Variants in SLC39A14 observed in about 807,000 individuals in gnomAD.
SLC39A14 encodes the protein metal cation symporter ZIP14.
In SLC39A14, 19 loss-of-function variants were observed where a neutral mutation model predicts 45.5. The ratio of observed to expected loss-of-function variants is 0.42; its 90% CI spans 0.29 to 0.61. SLC39A14 has a LOEUF of 0.61. Among genes scored for constraint, SLC39A14 ranks in the 20% least tolerant of loss-of-function variants. The pLI is 0.22. For synonymous variants in SLC39A14, 264 were observed against 251.3 expected, an observed-to-expected ratio of 1.05 and a Z score of -0.48; for missense variants, 447 against 616.5, an observed-to-expected ratio of 0.73 and a Z score of 2.91.
chr8:22,400,999 A>C (rs758908449), intron 1 of SLC39A14, among the ~76,000 whole-genome samples: 1 of 152,242 alleles, frequency 6.6e-6, no homozygotes, highest in East Asian at 1.9e-4. Flanking sequence ...TAGATCCTCA[A>C]AGTAATCTAA....
intron 1 of SLC39A14, among the ~76,000 whole-genome samples, chr8:22,370,712 G>A (rs1832876814): frequency 6.6e-6 from 1 of 152,142 alleles, no homozygotes. Flanking sequence ...ATTTGTCCCT[G>A]TGCTTATTGA....
rs1031979889 is a variant in SLC39A14 at position 22,422,004 on chromosome 8, C to T, written c.*2306C>T. 1.1e-5 allele frequency: 11 copies of T among 985,452 alleles called. No homozygotes were observed. The highest frequency in any genetic ancestry group is 1.2e-5 in the Non-Finnish European group (10 of 829,932). The allele number at this position is 985,452 out of a possible 1,614,324, so 61.0% of individuals were successfully genotyped here. ...TTAGGAGGGGCGGAGACGCTCACATCGTCTGACTTGAGTCGCCACTGATTG... is the reference window on the plus strand; with the variant it reads ...TTAGGAGGGGCGGAGACGCTCACATTGTCTGACTTGAGTCGCCACTGATTG... On this transcript the variant is annotated 3_prime_UTR_variant, in exon 9 of 9. Coordinates refer to ENST00000381237, the MANE Select transcript of SLC39A14 (RefSeq NM_001128431.4).
rs35335672 is a variant in SLC39A14, at chr8:22,414,848, T to C, written c.696T>C (p.Tyr232=). 1.6e-3 allele frequency: 2,618 copies of C among 1,613,576 alleles called. 14 individuals are homozygous for C. In the African/African-American group the frequency reaches 0.022, roughly 13 times the overall value. ...CTGCAGTGGTGTTTGGGGGCTTTTATCTTTTCTTTTTCACAGAGAAGATCT... is the reference window on the plus strand; with the variant it reads ...CTGCAGTGGTGTTTGGGGGCTTTTACCTTTTCTTTTTCACAGAGAAGATCT... ...SKSAVVFGGF[Y]LFFFTEKILK... Residue 232 remains tyrosine (Y), a synonymous_variant, in exon 5 of 9, where the codon TAT becomes TAC. Transcript: ENST00000381237.
intron 1 of SLC39A14, among the ~76,000 whole-genome samples, chr8:22,380,163 T>C (rs1833430316): frequency 6.6e-6 from 1 of 152,184 alleles, no homozygotes; most frequent in Non-Finnish European, 1.5e-5. Context: ...TTTGGTATCC[T>C]GGAGGCGGAG....
At chr8:22,378,913 T>TGA (rs1833351435) in intron 1 of SLC39A14, among the ~76,000 whole-genome samples, 1 of 152,244 alleles carries the variant, frequency 6.6e-6, no homozygotes, top group South Asian at 2.1e-4. Context: ...ATGGTTCCCC[T>TGA]GACAAGATAC....
intron 1 of SLC39A14, among the ~76,000 whole-genome samples, chr8:22,397,497 G>C (rs900315457): frequency 3.3e-5 from 5 of 152,092 alleles, no homozygotes; most frequent in Non-Finnish European, 5.9e-5. Flanking sequence ...AGAATGGCGT[G>C]AACCCGGGAG....
chr8:22,423,353 T>G (rs76397697), downstream of SLC39A14, among the ~76,000 whole-genome samples: 2 of 142,414 alleles, frequency 1.4e-5, no homozygotes, highest in African/African-American at 5.0e-5. Flanking sequence ...TTTTTTTTTT[T>G]GAGACGGAAT....
chr8:22,384,563 C>A (rs1833682627), intron 1 of SLC39A14, among the ~76,000 whole-genome samples: 1 of 151,634 alleles, frequency 6.6e-6, no homozygotes, highest in Non-Finnish European at 1.5e-5. Context: ...GCCTGGCCAA[C>A]ATGGCTAAAC....
intron 1 of SLC39A14, among the ~76,000 whole-genome samples, chr8:22,402,586 A>G (rs1834939284): frequency 6.6e-6 from 1 of 151,844 alleles, no homozygotes; most frequent in East Asian, 1.9e-4. Flanking sequence ...CCTGACCAAC[A>G]TGGTAAAACC....
chr8:22,419,595 G>A lies in SLC39A14; in HGVS notation c.1376G>A (p.Gly459Asp), dbSNP rs1380582659. The change falls in exon 9 of 9, where the codon GGC becomes GAC. Residue 459 changes from glycine (G) to aspartate (D), a missense_variant. Gly to Asp is a moderately conservative substitution (Grantham distance 94). This residue lies in a region of SLC39A14 where 105 missense variants were observed against 188.4 expected (regional missense o/e 0.56). Coordinates refer to ENST00000381237, the MANE Select transcript of SLC39A14 (RefSeq NM_001128431.4). ...NEVCQEDERK[G>D]SILIPFIIQN... ...GTCTGTCAAGAGGATGAAAGGAAGGGCAGCATCTTGATTCCATTTATCATC... is the reference window on the plus strand; with the variant it reads ...GTCTGTCAAGAGGATGAAAGGAAGGACAGCATCTTGATTCCATTTATCATC... The A allele has an allele frequency of 1.2e-6, 2 of 1,614,146 alleles. No individual in the cohort carries two copies. The highest frequency in any genetic ancestry group is 1.7e-5 in the Admixed American group (1 of 60,026).
chr8:22,385,437 C>T (rs565751978), intron 1 of SLC39A14, among the ~76,000 whole-genome samples: 4 of 152,254 alleles, frequency 2.6e-5, no homozygotes, highest in African/African-American at 9.6e-5. Context: ...TTCTCAATGC[C>T]TGGGAGTGGG....
chr8:22,384,033 G>A (rs552354706), intron 1 of SLC39A14, among the ~76,000 whole-genome samples: 23 of 152,112 alleles, frequency 1.5e-4, no homozygotes, highest in African/African-American at 2.4e-4. Flanking sequence ...CTCCTCGGCC[G>A]CCCCCTAACA....
intron 1 of SLC39A14, among the ~76,000 whole-genome samples, chr8:22,379,943 AAAAAG>A (rs1554512089): frequency 2.5e-4 from 34 of 137,444 alleles, no homozygotes; most frequent in Non-Finnish European, 4.8e-4. Flanking sequence ...AAAAAAAAAA[AAAAAG>A]AAAAGAAAAG....
chr8:22,384,821 A>G (rs1381229262), intron 1 of SLC39A14, among the ~76,000 whole-genome samples: 2 of 151,372 alleles, frequency 1.3e-5, no homozygotes, highest in Middle Eastern at 3.2e-3. Flanking sequence ...AGGCCAAGGC[A>G]GGTGGATCAC....
intron 1 of SLC39A14, among the ~76,000 whole-genome samples, chr8:22,401,523 T>A (rs1340827113): frequency 1.3e-5 from 2 of 151,206 alleles, no homozygotes; most frequent in African/African-American, 4.9e-5. Context: ...TCTTTCTGTC[T>A]TTCTCTTTCT....
intron 1 of SLC39A14, among the ~76,000 whole-genome samples, chr8:22,380,344 G>A (rs867116198): frequency 6.6e-6 from 1 of 152,316 alleles, no homozygotes; most frequent in African/African-American, 2.4e-5. Context: ...GAGCTTAAGT[G>A]ATTGCAGAGT....
At chr8:22,425,159 T>G (rs1288501995), downstream of SLC39A14, among the ~76,000 whole-genome samples, 1 of 152,204 alleles carries the variant, frequency 6.6e-6, no homozygotes, top group Non-Finnish European at 1.5e-5. Context: ...CGCTTATGCT[T>G]TATTACTCGG....
chr8:22,371,430 T>A (rs1240321098), intron 1 of SLC39A14, among the ~76,000 whole-genome samples: 7 of 23,422 alleles, frequency 3.0e-4, no homozygotes, highest in South Asian at 1.9e-3. Flanking sequence ...TTTTTTTTTT[T>A]TTTTTTTTTT....
intron 8 of SLC39A14, among the ~76,000 whole-genome samples, chr8:22,428,134 C>T (rs1396888556): frequency 1.3e-5 from 2 of 151,522 alleles, no homozygotes; most frequent in Non-Finnish European, 2.9e-5. Context: ...CCCCTGTCTA[C>T]GAAAAATACA....
Sources: gnomAD v4.1 joint callset for allele counts (sites outside exome capture counted in the v4.1 genomes callset) on GRCh38, gnomAD v4.1.1 for gene constraint, gnomAD v4.1.1 regional missense constraint, MANE v1.5 for transcripts, NCBI Gene and HGNC (gene_info 2026-07-23, HGNC 2026-07-21) for gene names.